The following TEAD1 variants were observed in gnomAD, a reference collection of about 807,000 sequenced individuals.
The protein encoded by TEAD1 is TEA domain transcription factor 1.
TEAD1 carries 9 observed loss-of-function variants against 54.9 expected under a neutral mutation model. That is an observed-to-expected ratio of 0.16 (90% CI 0.10 to 0.29). The LOEUF (loss-of-function observed/expected upper bound fraction) is 0.29, where lower values mean the gene tolerates loss of function less well. Among genes scored for constraint, TEAD1 ranks in the 10% least tolerant of loss-of-function variants. The pLI, the probability that TEAD1 is intolerant of heterozygous loss-of-function variation, is 1.00. For synonymous variants in TEAD1, 200 were observed against 187.8 expected (o/e 1.07, Z -0.53); for missense variants, 387 against 535.9 (o/e 0.72, Z 2.74).
At chr11:12,695,324 C>T (rs1053624918) in intron 2 of TEAD1, among the ~76,000 whole-genome samples, 8 of 152,214 alleles carry the variant, frequency 5.3e-5, no homozygotes, top group Admixed American at 1.3e-4. Flanking sequence ...CTTTGGAAAT[C>T]ACTGTGAAAA....
intron 2 of TEAD1, among the ~76,000 whole-genome samples, chr11:12,698,247 A>G (rs7105783): frequency 0.43 from 65,001 of 151,878 alleles, 14,474 homozygotes; most frequent in South Asian, 0.6. Flanking sequence ...CCGTGAAGCC[A>G]TGGCTGAAAT....
At chr11:12,751,666 A>G (rs1043637933) in intron 2 of TEAD1, among the ~76,000 whole-genome samples, 2 of 152,214 alleles carry the variant, frequency 1.3e-5, no homozygotes, top group African/African-American at 4.8e-5. Context: ...ATTGAAACAG[A>G]TAATTAGAAA....
intron 3 of TEAD1, among the ~76,000 whole-genome samples, chr11:12,853,210 T>A (rs909886289): frequency 6.6e-6 from 1 of 152,174 alleles, no homozygotes; most frequent in African/African-American, 2.4e-5. Context: ...ATTGCAGCTA[T>A]AATACCTTAG....
intron 3 of TEAD1, among the ~76,000 whole-genome samples, chr11:12,838,275 G>T (rs984903047): frequency 6.6e-6 from 1 of 152,196 alleles, no homozygotes; most frequent in African/African-American, 2.4e-5. Context: ...GGCATTTGGA[G>T]CACTGTATTG....
intron 1 of TEAD1, among the ~76,000 whole-genome samples, 173 bp downstream of exon 1, chr11:12,675,007 C>A (rs997465929): frequency 6.8e-6 from 1 of 147,904 alleles, no homozygotes; most frequent in Non-Finnish European, 1.5e-5. Context: ...TCCCCGCGCC[C>A]CCTCCGAGGT....
chr11:12,857,408 ATC>A (rs903430004), intron 3 of TEAD1, among the ~76,000 whole-genome samples: 11 of 152,168 alleles, frequency 7.2e-5, no homozygotes, highest in African/African-American at 2.7e-4. Flanking sequence ...GAAGCTTTAT[ATC>A]TCTCTCTGAC....
chr11:12,740,089 T>C (rs12225847), intron 2 of TEAD1, among the ~76,000 whole-genome samples: 43 of 152,298 alleles, frequency 2.8e-4, no homozygotes, highest in East Asian at 1.7e-3. Flanking sequence ...GGGAGTCTTG[T>C]CTGTACACAT....
intron 9 of TEAD1, among the ~76,000 whole-genome samples, chr11:12,885,009 GT>G (rs1194271096): frequency 1.3e-5 from 2 of 152,128 alleles, no homozygotes; most frequent in African/African-American, 4.8e-5. Flanking sequence ...GTACTTTGTG[GT>G]TGAGTATTTC....
intron 3 of TEAD1, among the ~76,000 whole-genome samples, chr11:12,846,171 C>A (rs1349550276): frequency 1.3e-5 from 2 of 152,214 alleles, no homozygotes; most frequent in Non-Finnish European, 2.9e-5. Context: ...GTTTATTTGG[C>A]CTTTGTCACA....
intron 6 of TEAD1, 33 bp from the exon 7 acceptor site, chr11:12,880,972 G>A (rs772963164): frequency 9.3e-6 from 15 of 1,613,682 alleles, no homozygotes; most frequent in African/African-American, 1.3e-5. Flanking sequence ...AAGTAAACTC[G>A]TAATTCTGAG....
chr11:12,677,403 A>AT (rs1218516422), intron 2 of TEAD1, among the ~76,000 whole-genome samples: 2 of 151,924 alleles, frequency 1.3e-5, no homozygotes, highest in South Asian at 2.1e-4. Context: ...TCCCTTTCCC[A>AT]TTTCCTCTCT....
intron 5 of TEAD1, 164 bp downstream of exon 5, chr11:12,865,064 G>A: frequency 1.2e-6 from 1 of 803,672 alleles, no homozygotes; most frequent in Non-Finnish European, 2.1e-6. Context: ...TTCTGTACTA[G>A]CCTCACATTA....
intron 3 of TEAD1, among the ~76,000 whole-genome samples, chr11:12,769,717 C>T (rs1945277695): frequency 1.3e-5 from 2 of 152,058 alleles, no homozygotes; most frequent in Admixed American, 6.5e-5. Context: ...TTTCCTCTTT[C>T]GGACCTCTGA....
chr11:12,793,688 A>C (rs1174711211), intron 3 of TEAD1, among the ~76,000 whole-genome samples: 1 of 152,224 alleles, frequency 6.6e-6, no homozygotes, highest in African/African-American at 2.4e-5. Context: ...ATGGTGAAGT[A>C]AGGACATTGT....
At chr11:12,840,705 A>G (rs1947019430) in intron 3 of TEAD1, among the ~76,000 whole-genome samples, 1 of 152,050 alleles carries the variant, frequency 6.6e-6, no homozygotes, top group Non-Finnish European at 1.5e-5. Flanking sequence ...GAAGCCTCTC[A>G]TTTTTCTCTG....
At chr11:12,924,565 C>T (rs938294761) in intron 10 of TEAD1, among the ~76,000 whole-genome samples, 2 of 152,066 alleles carry the variant, frequency 1.3e-5, no homozygotes, top group Admixed American at 1.3e-4. Flanking sequence ...AAAAATATCT[C>T]TAAAGATGAG....
chr11:12,762,760 T>C (rs1184549423), intron 2 of TEAD1, among the ~76,000 whole-genome samples: 1 of 152,192 alleles, frequency 6.6e-6, no homozygotes, highest in Non-Finnish European at 1.5e-5. Context: ...CTGGCATCTG[T>C]TGATATACAC....
At chr11:12,831,427 A>G (rs550122886) in intron 3 of TEAD1, among the ~76,000 whole-genome samples, 2 of 152,306 alleles carry the variant, frequency 1.3e-5, no homozygotes, top group South Asian at 4.1e-4. Context: ...TTGAGGGCAG[A>G]TGCTCTGCCT....
At chr11:12,792,782 A>G (rs1213429018) in intron 3 of TEAD1, among the ~76,000 whole-genome samples, 3 of 152,244 alleles carry the variant, frequency 2.0e-5, no homozygotes, top group Non-Finnish European at 4.4e-5. Flanking sequence ...TGAGCTGGGC[A>G]TGGTGACTCA....
Sources: gnomAD v4.1 joint callset for allele counts (sites outside exome capture counted in the v4.1 genomes callset) on GRCh38, gnomAD v4.1.1 for gene constraint, MANE v1.5 for transcripts, NCBI Gene and HGNC (gene_info 2026-07-23, HGNC 2026-07-21) for gene names.